Variants in CHD8 observed in about 807,000 individuals in gnomAD.
CHD8 encodes the protein chromodomain helicase DNA binding protein 8.
A neutral mutation model predicts 279.2 loss-of-function variants in CHD8; 31 were observed. That is an observed-to-expected ratio of 0.11 (90% confidence interval 0.08 to 0.15). The LOEUF (loss-of-function observed/expected upper bound fraction) is 0.15. Among genes scored for constraint, CHD8 ranks in the 10% least tolerant of loss-of-function variants. The pLI is 1.00. For synonymous variants in CHD8, 1,081 were observed against 1,139.6 expected (o/e 0.95, Z 1.04); for missense variants, 2,146 against 3,230.5 (o/e 0.66, Z 8.14).
Position 21,400,787 on chromosome 14 carries a change from T to C in CHD8, c.4370+88A>G. The stretch of plus-strand genomic sequence containing the variant: ...TTTCACATTATCCCTTCTTTGATCA[T>C]AGCCCCCAATTTGAAAGGCAAACCA... On this transcript the variant is annotated intron_variant, in intron 22 of 37. Transcript: ENST00000646647. This position sits in a 1 kb window ranked among gnomAD's most constrained non-coding sequence, Gnocchi z 4.2. 2.2e-6 allele frequency: 3 copies of C among 1,375,340 alleles called. No homozygotes were observed. Among genetic ancestry groups the C allele is most frequent in the East Asian group, 2.3e-5 (1 of 43,248 alleles). 85.2% of individuals were successfully genotyped at this position (1,375,340 alleles called of 1,614,324 possible). A position where few individuals can be genotyped will look rare whatever the true frequency, so the allele number is the denominator to read the frequency against.
chr14:21,418,581 C>A (rs1164651016), intron 5 of CHD8, among the ~76,000 whole-genome samples: 3 of 151,920 alleles, frequency 2.0e-5, no homozygotes, highest in South Asian at 2.1e-4. Context: ...TTTGGGAGGC[C>A]AAGGTGGGCA....
rs774824817 is a variant in CHD8 at position 21,394,037 on chromosome 14, A to G, written c.5758T>C (p.Leu1920=). 1.2e-6 allele frequency: 2 copies of G among 1,613,888 alleles called. No homozygotes were observed. The highest frequency in any genetic ancestry group is 2.7e-5 in the African/African-American group (2 of 75,034). The change falls in exon 32 of 38, where the codon TTG becomes CTG. Residue 1920 remains leucine (L), a synonymous_variant. Transcript: ENST00000646647. ...CGAACAGGCTCCCACCATTTGGGCA[A>G]TTCAGGACCAGGAGGCTGACACAAT... The part of the protein sequence containing the change: ...LALCQPPGPE[L]PKWWEPVRHD...
Position 21,433,130 on chromosome 14 carries a change from G to A in CHD8, c.-215-1272C>T, listed in dbSNP as rs566875720. On this transcript the variant is annotated intron_variant, in intron 1 of 37. Transcript: ENST00000646647. ...CCAGCAGGACATAGCACATATAGTA[G>A]CTAATCAAAAAACAGTTAATGAATT... Among the ~76,000 whole-genome samples the A allele has an allele frequency of 1.6e-4, 25 of 152,272 alleles. No individual in the cohort carries two copies. The South Asian group carries it at 3.3e-3, about 20-fold the overall frequency.
intron 1 of CHD8, among the ~76,000 whole-genome samples, chr14:21,441,099 C>T (rs905828975): frequency 2.6e-5 from 4 of 152,160 alleles, no homozygotes; most frequent in African/African-American, 9.7e-5. Context: ...TAAGTGGATA[C>T]TCCTGCTGGG....
Position 21,402,653 on chromosome 14 carries a change from A to G in CHD8, c.3715-150T>C. On this transcript the variant is annotated intron_variant, in intron 18 of 37. Transcript: ENST00000646647. The surrounding 1 kb of genome is among the most constrained non-coding windows in gnomAD (Gnocchi z 4.5). ...CAAGAGTCAATTTCAAGATGAAATT[A>G]TCACCCCATCATGTAGACCAGGGGT... 3 of 790,050 alleles carry G rather than the reference A, an allele frequency of 3.8e-6. No individual in the cohort carries two copies. The highest frequency in any genetic ancestry group is 5.9e-6 in the Non-Finnish European group (3 of 512,488). 48.9% of individuals were successfully genotyped at this position (790,050 alleles called of 1,614,324 possible).
chr14:21,406,819 C>G, intron 14 of CHD8, 37 bp downstream of exon 14: 1 of 1,562,900 alleles, frequency 6.4e-7, no homozygotes. Flanking sequence ...ACGGTTTATT[C>G]CAGGTGTTTC....
At chr14:21,422,272 TGGA>T (rs2139517179) in intron 5 of CHD8, among the ~76,000 whole-genome samples, 1 of 151,062 alleles carries the variant, frequency 6.6e-6, no homozygotes, top group South Asian at 2.1e-4. Context: ...ACCCGGGAGG[TGGA>T]GGTTATAGTG....
At position 21,403,318 on chromosome 14, in the gene CHD8, A is replaced by T. The variant is rs1349273672; in HGVS notation, c.3519-106T>A. ...TACTCCCATATCAAAGCTGGTCAAAAACCCAAGTTGAGAGTGAGAATCTTA... is the reference window on the plus strand; with the variant it reads ...TACTCCCATATCAAAGCTGGTCAAATACCCAAGTTGAGAGTGAGAATCTTA... On this transcript the variant is annotated intron_variant, in intron 17 of 37. Coordinates refer to ENST00000646647, the MANE Select transcript of CHD8 (RefSeq NM_001170629.2). The surrounding 1 kb of genome is among the most constrained non-coding windows in gnomAD (Gnocchi z 4.3). The T allele has an allele frequency of 7.6e-7, 1 of 1,322,282 alleles. No individual in the cohort carries two copies. Among genetic ancestry groups the T allele is most frequent in the African/African-American group, 1.5e-5 (1 of 67,828 alleles). 81.9% of individuals were successfully genotyped at this position (1,322,282 alleles called of 1,614,324 possible).
At chr14:21,391,765 C>G in intron 35 of CHD8, 68 bp downstream of exon 35, 1 of 1,521,574 alleles carries the variant, frequency 6.6e-7, no homozygotes, top group Non-Finnish European at 9.1e-7. Flanking sequence ...AGTCCCACTG[C>G]CTTCATCAAT....
intron 1 of CHD8, among the ~76,000 whole-genome samples, chr14:21,446,821 A>G (rs1890134250): frequency 6.6e-6 from 1 of 152,234 alleles, no homozygotes; most frequent in African/African-American, 2.4e-5. Context: ...ATTATAAATT[A>G]TCTTATAACT....
rs145781525 is a variant in CHD8, at chr14:21,441,827, T to A, written c.-215-9969A>T. Among the ~76,000 whole-genome samples the A allele has an allele frequency of 5.7e-3, 869 of 152,180 alleles. 12 individuals carry two copies. The highest frequency in any genetic ancestry group is 0.02 in the African/African-American group (835 of 41,534). On this transcript the variant is annotated intron_variant, in intron 1 of 37. Transcript: ENST00000646647. Reference sequence around the variant, plus strand: ...TGGCATGAACCCGGGAGGCGGAGCTTGCAGTGAGCCAAGATTGCGCCACTG... The same window carrying A: ...TGGCATGAACCCGGGAGGCGGAGCTAGCAGTGAGCCAAGATTGCGCCACTG...
chr14:21,417,650 T>C (rs896979227), intron 5 of CHD8, among the ~76,000 whole-genome samples: 74 of 151,616 alleles, frequency 4.9e-4, no homozygotes, highest in Non-Finnish European at 1.0e-3. Context: ...GTCAGGAGAT[T>C]GAGACCATCC....
rs1338836708 is a variant in CHD8, at chr14:21,395,030, G to A, written c.5272C>T (p.Arg1758Cys). 3.7e-6 allele frequency: 6 copies of A among 1,613,888 alleles called. No individual in the cohort carries two copies. Among genetic ancestry groups the A allele is most frequent in the East Asian group, 2.2e-5 (1 of 44,896 alleles). The change falls in exon 30 of 38, where the codon CGC (arginine) becomes TGC (cysteine). Residue 1758 changes from arginine to cysteine, a missense_variant. Around this residue, in one of 26 missense-constraint regions of CHD8, gnomAD observed 513 missense variants for 637.6 expected, o/e 0.80. Coordinates refer to ENST00000646647, the MANE Select transcript of CHD8 (RefSeq NM_001170629.2). ...TTCATTTGTTCTCTCTTGTAGCTGCGCTGATACGCTGTTACTAGACGCCGA... is the reference window on the plus strand; with the variant it reads ...TTCATTTGTTCTCTCTTGTAGCTGCACTGATACGCTGTTACTAGACGCCGA... ...RLRRLVTAYQ[R>C]SYKREQMKIE...
At chr14:21,435,824 A>G (rs1889758558) in intron 1 of CHD8, among the ~76,000 whole-genome samples, 1 of 152,206 alleles carries the variant, frequency 6.6e-6, no homozygotes, top group Non-Finnish European at 1.5e-5. Context: ...TCTGTAAAAG[A>G]CACGTGAGGA....
In CHD8 at chr14:21,394,036, A is replaced by C; in HGVS notation, c.5759T>G (p.Leu1920Trp). The C allele has an allele frequency of 1.2e-6, 2 of 1,613,922 alleles. No individual in the cohort carries two copies. The highest frequency in any genetic ancestry group is 1.7e-6 in the Non-Finnish European group (2 of 1,179,856). Residue 1920 changes from leucine to tryptophan, a missense_variant, in exon 32 of 38, where the codon TTG becomes TGG. Leu to Trp is a moderately conservative substitution (Grantham distance 61, BLOSUM62 -2). Around this residue, in one of 26 missense-constraint regions of CHD8, gnomAD observed 513 missense variants for 637.6 expected, o/e 0.80. Coordinates refer to ENST00000646647, the MANE Select transcript of CHD8 (RefSeq NM_001170629.2). Reference sequence around the variant, plus strand: ...CCGAACAGGCTCCCACCATTTGGGCAATTCAGGACCAGGAGGCTGACACAA... The same window carrying C: ...CCGAACAGGCTCCCACCATTTGGGCCATTCAGGACCAGGAGGCTGACACAA... ...LALCQPPGPELPKWWEPVRHD... is the reference protein window; with the variant it reads ...LALCQPPGPEWPKWWEPVRHD...
At position 21,430,595 on chromosome 14, in the gene CHD8, G is replaced by C. The variant is rs1411008112; in HGVS notation, c.843+206C>G. On this transcript the variant is annotated intron_variant, in intron 2 of 37. Coordinates refer to ENST00000646647, the MANE Select transcript of CHD8 (RefSeq NM_001170629.2). ...AGCACCAGCTAGGTACAATGTAAAT[G>C]TGTAGTAAGAGCTCAAAAAATATGT... 4 of 551,608 alleles carry C rather than the reference G, an allele frequency of 7.3e-6. No individual in the cohort carries two copies. In the East Asian group the frequency reaches 1.2e-4, roughly 17 times the overall value. 34.2% of individuals were successfully genotyped at this position (551,608 alleles called of 1,614,324 possible).
chr14:21,429,521 C>G, intron 2 of CHD8, 186 bp from the exon 3 acceptor site: 2 of 750,874 alleles, frequency 2.7e-6, no homozygotes, highest in South Asian at 2.8e-5. Context: ...GACAGGGTCT[C>G]GCTGTATTGC....
In CHD8 at chr14:21,404,410, A is replaced by C. The variant is rs913322121; in HGVS notation, c.3308-747T>G. ...TGAAACTCCATCTTAAAAAAAAAAAAAAAAAAAAAACTTAAATCATCCTCA... is the reference window on the plus strand; with the variant it reads ...TGAAACTCCATCTTAAAAAAAAAAACAAAAAAAAAACTTAAATCATCCTCA... On this transcript the variant is annotated intron_variant, in intron 16 of 37. Coordinates refer to ENST00000646647, the MANE Select transcript of CHD8 (RefSeq NM_001170629.2). Among the ~76,000 whole-genome samples the C allele has an allele frequency of 1.4e-4, 22 of 151,950 alleles. 1 individual carries two copies. The highest frequency in any genetic ancestry group is 1.2e-3 in the Admixed American group (18 of 15,252).
At position 21,403,425 on chromosome 14, in the gene CHD8, C is replaced by T. The variant is rs373970516; in HGVS notation, c.3518+28G>A. On this transcript the variant is annotated intron_variant, in intron 17 of 37. Transcript: ENST00000646647. The surrounding 1 kb of genome is among the most constrained non-coding windows in gnomAD (Gnocchi z 4.3). ...TTGCTGCTTTATGAGGACAGAGTAA[C>T]CACAGGCTAGGATGACTCTTTTCTT... The T allele has an allele frequency of 9.0e-6, 14 of 1,559,614 alleles. No homozygotes were observed. The highest frequency in any genetic ancestry group is 1.1e-5 in the Non-Finnish European group (13 of 1,137,988).
Sources: gnomAD v4.1 joint callset for allele counts (sites outside exome capture counted in the v4.1 genomes callset) on GRCh38, gnomAD v4.1.1 for gene constraint, gnomAD v4.1.1 regional missense constraint, Gnocchi (gnomAD v3.1) non-coding constraint, MANE v1.5 for transcripts, NCBI Gene and HGNC (gene_info 2026-07-23, HGNC 2026-07-21) for gene names.